Variants in FAM227B observed in about 807,000 individuals in gnomAD.
FAM227B encodes the protein protein FAM227B.
FAM227B carries 88 observed loss-of-function variants against 73.8 expected under a neutral mutation model. The ratio of observed to expected loss-of-function variants is 1.19; its 90% CI spans 1.00 to 1.42. FAM227B has a LOEUF of 1.42. FAM227B is among the 40% of genes most tolerant of loss of function. The pLI is 0.00. For missense variants in FAM227B, 632 were observed against 590.9 expected (o/e 1.07, Z -0.72); for synonymous variants, 210 against 190.5 (o/e 1.10, Z -0.84).
chr15:49,610,935 T>C lies in FAM227B; in HGVS notation c.105+280A>G, dbSNP rs1390421696. Among the ~76,000 whole-genome samples, 3 of 152,220 alleles carry C rather than the reference T, an allele frequency of 2.0e-5. No homozygotes were observed. In the East Asian group the frequency reaches 5.8e-4, roughly 29 times the overall value. On this transcript the variant is annotated intron_variant, in intron 3 of 15. Transcript: ENST00000299338. Reference sequence around the variant, plus strand: ...TAACTGTTGGATATTCTTTAAGGTGTAAATACATAAGACAAAAATCTTACA... The same window carrying C: ...TAACTGTTGGATATTCTTTAAGGTGCAAATACATAAGACAAAAATCTTACA...
intron 10 of FAM227B, among the ~76,000 whole-genome samples, chr15:49,518,464 A>C (rs1206181347): frequency 1.3e-5 from 2 of 152,122 alleles, no homozygotes; most frequent in African/African-American, 2.4e-5. Flanking sequence ...AAAATACCCC[A>C]GACTGGGTAA....
chr15:49,481,253 CA>C (rs1328633305), intron 11 of FAM227B, among the ~76,000 whole-genome samples: 1 of 152,184 alleles, frequency 6.6e-6, no homozygotes. Context: ...GCAAAAGCCA[CA>C]ATTACTTTTG....
intron 3 of FAM227B, chr15:49,606,272 T>C (rs1272961998): frequency 6.6e-6 from 1 of 152,176 alleles, no homozygotes; most frequent in Non-Finnish European, 1.5e-5. Flanking sequence ...TTCTCCTAAG[T>C]ATTTTTTTTT....
intron 13 of FAM227B, among the ~76,000 whole-genome samples, chr15:49,362,112 A>G (rs1267299853): frequency 6.6e-6 from 1 of 151,806 alleles, no homozygotes; most frequent in African/African-American, 2.4e-5. Flanking sequence ...GTGCTTGTTG[A>G]TTTAAGTTCC....
intron 11 of FAM227B, among the ~76,000 whole-genome samples, chr15:49,420,490 T>C (rs751040597): frequency 4.6e-5 from 7 of 152,132 alleles, no homozygotes; most frequent in Non-Finnish European, 8.8e-5. Context: ...TATATACATA[T>C]ACACACAAAC....
At chr15:49,384,449 C>T (rs1454075925) in intron 11 of FAM227B, among the ~76,000 whole-genome samples, 3 of 151,936 alleles carry the variant, frequency 2.0e-5, no homozygotes, top group Non-Finnish European at 2.9e-5. Flanking sequence ...GGGGTGGGGA[C>T]GAGTCTCAGA....
At chr15:49,506,101 A>T (rs1252399942) in intron 11 of FAM227B, among the ~76,000 whole-genome samples, 1 of 152,038 alleles carries the variant, frequency 6.6e-6, no homozygotes, top group African/African-American at 2.4e-5. Context: ...TAATTTAAAA[A>T]TGGATACAGC....
intron 11 of FAM227B, chr15:49,396,119 G>GC (rs2047582366): frequency 2.5e-6 from 1 of 395,206 alleles, no homozygotes; most frequent in African/African-American, 2.1e-5. Flanking sequence ...CAGACAGTGG[G>GC]CGCAGGTCAG....
chr15:49,581,770 C>T (rs1456675495), intron 5 of FAM227B, among the ~76,000 whole-genome samples: 1 of 152,186 alleles, frequency 6.6e-6, no homozygotes, highest in Non-Finnish European at 1.5e-5. Flanking sequence ...AGAGGTCCTT[C>T]AGGGAGTGCT....
At chr15:49,365,440 A>G in intron 13 of FAM227B, 1 of 932,456 alleles carries the variant, frequency 1.1e-6, no homozygotes, top group Non-Finnish European at 1.8e-6. Context: ...ACAGGCCTGT[A>G]CAATAATGTC....
At chr15:49,443,358 T>C (rs1445840561) in intron 11 of FAM227B, among the ~76,000 whole-genome samples, 2 of 151,524 alleles carry the variant, frequency 1.3e-5, no homozygotes, top group Non-Finnish European at 3.0e-5. Context: ...TGCGTCTGTA[T>C]ATTTCTTCCC....
intron 5 of FAM227B, among the ~76,000 whole-genome samples, chr15:49,580,157 A>C (rs1306106761): frequency 6.6e-6 from 1 of 152,248 alleles, no homozygotes; most frequent in Admixed American, 6.5e-5. Context: ...AATAACTATT[A>C]AAACTTTTGT....
intron 9 of FAM227B, among the ~76,000 whole-genome samples, chr15:49,550,945 G>T (rs2072895946): frequency 6.6e-6 from 1 of 152,080 alleles, no homozygotes; most frequent in African/African-American, 2.4e-5. Flanking sequence ...GGGAGGTGGA[G>T]GTTGTAGCGA....
chr15:49,589,980 T>C lies in FAM227B; in HGVS notation c.133A>G (p.Arg45Gly), dbSNP rs2076425397. ...GTGCATGACCATTTATCATCATCTCTAAAATGGATTTCCCTTGGCCAATAA... is the reference window on the plus strand; with the variant it reads ...GTGCATGACCATTTATCATCATCTCCAAAATGGATTTCCCTTGGCCAATAA... ...WDYWPREIHF[R>G]DDDKWSCTLK... Residue 45 changes from arginine to glycine, a missense_variant, in exon 4 of 16, where the codon AGA becomes GGA. Coordinates refer to ENST00000299338, the MANE Select transcript of FAM227B (RefSeq NM_152647.3). 1 of 1,602,430 alleles carries C rather than the reference T, an allele frequency of 6.2e-7. No individual in the cohort carries two copies. Among genetic ancestry groups the C allele is most frequent in the South Asian group, 1.1e-5 (1 of 90,414 alleles).
chr15:49,429,176 T>C (rs371937811), intron 11 of FAM227B, among the ~76,000 whole-genome samples: 14 of 152,044 alleles, frequency 9.2e-5, no homozygotes, highest in African/African-American at 3.4e-4. Flanking sequence ...TTTAAAAAAA[T>C]AGATAATAAG....
intron 11 of FAM227B, among the ~76,000 whole-genome samples, chr15:49,395,458 C>G (rs968378849): frequency 6.6e-6 from 1 of 152,168 alleles, no homozygotes; most frequent in Admixed American, 6.5e-5. Context: ...TGTGAGCTGT[C>G]ACTCTCAGTT....
intron 11 of FAM227B, among the ~76,000 whole-genome samples, chr15:49,506,156 A>G (rs1422084157): frequency 6.6e-6 from 1 of 152,020 alleles, no homozygotes; most frequent in Non-Finnish European, 1.5e-5. Flanking sequence ...TTCTAAAATT[A>G]TATTTTAATA....
At chr15:49,544,965 C>CTT (rs1203670410) in intron 9 of FAM227B, among the ~76,000 whole-genome samples, 3 of 151,986 alleles carry the variant, frequency 2.0e-5, no homozygotes, top group Non-Finnish European at 4.4e-5. Flanking sequence ...CTGTAGTTTT[C>CTT]TTTTTTTGTT....
intron 11 of FAM227B, among the ~76,000 whole-genome samples, chr15:49,403,543 T>C (rs1190182016): frequency 6.6e-6 from 1 of 152,220 alleles, no homozygotes; most frequent in African/African-American, 2.4e-5. Flanking sequence ...TTCTAGTTTA[T>C]GTGCACAGAG....
Sources: allele counts gnomAD v4.1 joint callset (sites outside exome capture counted in the v4.1 genomes callset), GRCh38; gene constraint gnomAD v4.1.1; transcripts MANE v1.5; gene names NCBI Gene and HGNC (gene_info 2026-07-23, HGNC 2026-07-21).